The following CNTNAP2 variants were observed in gnomAD, a reference collection of about 807,000 sequenced individuals.
CNTNAP2 encodes the protein contactin-associated protein-like 2.
Under a neutral mutation model 155.2 loss-of-function variants are expected in CNTNAP2, and 98 were observed. The observed-to-expected ratio is 0.63, with a 90% CI of 0.54 to 0.75. The LOEUF is 0.75. CNTNAP2 is among the 30% of genes least tolerant of loss of function. The pLI is 0.00. For missense variants in CNTNAP2, 1,727 were observed against 1,688.1 expected (o/e 1.02, Z -0.40); for synonymous variants, 651 against 631.2 (o/e 1.03, Z -0.47).
chr7:146,952,126 A>G (rs1448120875), intron 3 of CNTNAP2, among the ~76,000 whole-genome samples: 1 of 152,164 alleles, frequency 6.6e-6, no homozygotes, highest in Non-Finnish European at 1.5e-5. Flanking sequence ...GGTTCAACAT[A>G]CACAAATCAA....
intron 15 of CNTNAP2, among the ~76,000 whole-genome samples, chr7:148,033,385 G>A (rs1248140846): frequency 1.4e-5 from 2 of 146,126 alleles, no homozygotes; most frequent in East Asian, 4.0e-4. Context: ...TGGGATACAT[G>A]TTCAGAACGT....
intron 1 of CNTNAP2, among the ~76,000 whole-genome samples, chr7:146,125,582 A>T (rs1584761089): frequency 1.6e-5 from 1 of 60,864 alleles, no homozygotes; most frequent in Non-Finnish European, 3.0e-5. Flanking sequence ...CTCCGTCTCC[A>T]AAAAAAAAAA....
At chr7:146,437,618 T>A (rs1724488) in intron 1 of CNTNAP2, among the ~76,000 whole-genome samples, 1 of 151,464 alleles carries the variant, frequency 6.6e-6, no homozygotes, top group African/African-American at 2.5e-5. Flanking sequence ...TTGTGCTTCA[T>A]TGACACTTAA....
At chr7:147,198,497 G>A (rs1802854021) in intron 8 of CNTNAP2, among the ~76,000 whole-genome samples, 2 of 152,174 alleles carry the variant, frequency 1.3e-5, no homozygotes, top group Admixed American at 1.3e-4. Flanking sequence ...CTCCCAGAGT[G>A]CTGGGATTAC....
chr7:146,217,856 A>T (rs1413769817), intron 1 of CNTNAP2, among the ~76,000 whole-genome samples: 2 of 152,182 alleles, frequency 1.3e-5, no homozygotes. Flanking sequence ...CGGTGGTAAC[A>T]CTTAAGATCA....
intron 1 of CNTNAP2, among the ~76,000 whole-genome samples, chr7:146,397,246 T>C (rs1201391168): frequency 6.6e-6 from 1 of 152,192 alleles, no homozygotes; most frequent in Non-Finnish European, 1.5e-5. Flanking sequence ...GCCTTGACTT[T>C]TCTGCTCCTT....
chr7:147,199,729 C>T (rs1290084185), intron 8 of CNTNAP2, among the ~76,000 whole-genome samples: 1 of 151,796 alleles, frequency 6.6e-6, no homozygotes, highest in Non-Finnish European at 1.5e-5. Flanking sequence ...GTTACAATTA[C>T]ACTGGCATGC....
chr7:147,792,232 T>C (rs1259648517), intron 13 of CNTNAP2, among the ~76,000 whole-genome samples: 2 of 152,246 alleles, frequency 1.3e-5, no homozygotes, highest in Non-Finnish European at 2.9e-5. Flanking sequence ...AATTATACCA[T>C]TTAATGCTGT....
intron 1 of CNTNAP2, among the ~76,000 whole-genome samples, chr7:146,424,605 G>T (rs1796061314): frequency 6.6e-6 from 1 of 151,962 alleles, no homozygotes; most frequent in Admixed American, 6.5e-5. Flanking sequence ...TTTACAAACA[G>T]TTTAAGCACA....
chr7:146,843,449 A>T (rs563021952), intron 3 of CNTNAP2, among the ~76,000 whole-genome samples: 1 of 152,160 alleles, frequency 6.6e-6, no homozygotes, highest in African/African-American at 2.4e-5. Context: ...ACAATTTGAC[A>T]TGAGATTTTG....
chr7:147,626,613 A>C (rs1015212949), intron 12 of CNTNAP2, among the ~76,000 whole-genome samples: 1 of 152,104 alleles, frequency 6.6e-6, no homozygotes, highest in Non-Finnish European at 1.5e-5. Context: ...AGAAACTGAA[A>C]TACTTACCCT....
At chr7:147,838,160 C>T (rs1236115358) in intron 13 of CNTNAP2, among the ~76,000 whole-genome samples, 1 of 152,168 alleles carries the variant, frequency 6.6e-6, no homozygotes, top group African/African-American at 2.4e-5. Flanking sequence ...TTAGTCACAC[C>T]TGGAGCGGCT....
intron 12 of CNTNAP2, among the ~76,000 whole-genome samples, chr7:147,620,174 C>A (rs1213357965): frequency 6.6e-6 from 1 of 152,188 alleles, no homozygotes; most frequent in Non-Finnish European, 1.5e-5. Flanking sequence ...TACCCAAGTC[C>A]TTCTGAATAT....
At chr7:146,349,620 CTA>C (rs1007040821) in intron 1 of CNTNAP2, among the ~76,000 whole-genome samples, 2 of 152,068 alleles carry the variant, frequency 1.3e-5, no homozygotes, top group African/African-American at 4.8e-5. Flanking sequence ...TTGTTCCTTT[CTA>C]TGTTTAGTGC....
At chr7:147,536,844 T>C (rs1799550265) in intron 11 of CNTNAP2, among the ~76,000 whole-genome samples, 1 of 152,160 alleles carries the variant, frequency 6.6e-6, no homozygotes, top group Admixed American at 6.5e-5. Flanking sequence ...GCCTTGAACA[T>C]AGCTTCAAAT....
chr7:147,485,760 C>T (rs867308599), intron 10 of CNTNAP2, among the ~76,000 whole-genome samples, 175 bp from the exon 11 acceptor site: 21 of 152,116 alleles, frequency 1.4e-4, no homozygotes, highest in Admixed American at 3.3e-4. Context: ...ATCTTTGTTG[C>T]GCTTGGCACC....
chr7:147,539,823 G>C (rs1035527569), intron 11 of CNTNAP2, among the ~76,000 whole-genome samples: 3 of 152,154 alleles, frequency 2.0e-5, no homozygotes, highest in Admixed American at 2.0e-4. Context: ...TTCTTTCTTT[G>C]TTATTACAGA....
intron 13 of CNTNAP2, among the ~76,000 whole-genome samples, chr7:147,859,081 A>T (rs1799093401): frequency 1.3e-5 from 2 of 152,230 alleles, no homozygotes; most frequent in South Asian, 4.1e-4. Context: ...CTTCTCAAGA[A>T]CTAGTCCTGG....
intron 1 of CNTNAP2, among the ~76,000 whole-genome samples, chr7:146,364,901 A>G (rs1795133761): frequency 6.6e-6 from 1 of 152,204 alleles, no homozygotes; most frequent in South Asian, 2.1e-4. Flanking sequence ...CAAAAGTTAC[A>G]TGTGTGTGTT....
Sources: allele counts gnomAD v4.1 joint callset (sites outside exome capture counted in the v4.1 genomes callset), GRCh38; gene constraint gnomAD v4.1.1; transcripts MANE v1.5; gene names NCBI Gene and HGNC (gene_info 2026-07-23, HGNC 2026-07-21).